Variants in SUCO observed in about 807,000 individuals in gnomAD.
SUCO encodes the protein SUN domain containing ossification factor.
In SUCO, 57 loss-of-function variants were observed where a neutral mutation model predicts 148.1. The ratio of observed to expected loss-of-function variants is 0.38; its 90% CI spans 0.31 to 0.48. SUCO has a LOEUF of 0.48. SUCO is among the 20% of genes least tolerant of loss of function. The probability of loss-of-function intolerance (pLI) is 0.96; values close to 1 mark genes in which losing one functional copy is unlikely to be tolerated. For synonymous variants in SUCO, 470 were observed against 502.7 expected (o/e 0.93, Z 0.87); for missense variants, 1,331 against 1,468.2 (o/e 0.91, Z 1.53).
intron 17 of SUCO, among the ~76,000 whole-genome samples, chr1:172,587,026 C>T (rs775205883): frequency 1.8e-4 from 28 of 152,120 alleles, no homozygotes; most frequent in Middle Eastern, 3.4e-3. Flanking sequence ...GTTAACAACA[C>T]GCTATGTCGT....
intron 6 of SUCO, among the ~76,000 whole-genome samples, chr1:172,566,109 C>T (rs1455474288): frequency 1.3e-5 from 2 of 152,194 alleles, no homozygotes; most frequent in African/African-American, 2.4e-5. Flanking sequence ...GAGGCAGTGG[C>T]ATTATGGCCA....
intron 19 of SUCO, among the ~76,000 whole-genome samples, chr1:172,592,384 T>G (rs1656738091): frequency 6.6e-6 from 1 of 152,216 alleles, no homozygotes; most frequent in African/African-American, 2.4e-5. Flanking sequence ...TGCCTAGGTT[T>G]TCTTCTAGGG....
chr1:172,560,212 C>A (rs146095194), intron 6 of SUCO, among the ~76,000 whole-genome samples: 1 of 152,298 alleles, frequency 6.6e-6, no homozygotes, highest in African/African-American at 2.4e-5. Flanking sequence ...AAATTAGTAA[C>A]AAGACAGCCT....
chr1:172,605,702 A>G (rs1366084225), intron 22 of SUCO, among the ~76,000 whole-genome samples: 1 of 151,876 alleles, frequency 6.6e-6, no homozygotes, highest in African/African-American at 2.4e-5. Context: ...TCGTTTTACT[A>G]GTTCACTTGC....
chr1:172,588,313 A>G (rs1221254214), intron 17 of SUCO: 2 of 985,212 alleles, frequency 2.0e-6, no homozygotes, highest in Non-Finnish European at 2.4e-6. Flanking sequence ...AGAATCCTAG[A>G]TTCTAGTTTT....
intron 3 of SUCO, chr1:172,555,490 T>C: frequency 1.2e-6 from 1 of 858,352 alleles, no homozygotes; most frequent in Non-Finnish European, 1.4e-6. Flanking sequence ...CATTATTTCC[T>C]AAACTGCTCA....
chr1:172,591,978 G>A (rs1482283541), intron 19 of SUCO, among the ~76,000 whole-genome samples: 2 of 152,186 alleles, frequency 1.3e-5, no homozygotes, highest in East Asian at 1.9e-4. Context: ...CATTTTAACT[G>A]GTGTGAGATG....
At chr1:172,569,853 G>GA (rs1291669015) in intron 7 of SUCO, 194 bp from the exon 8 acceptor site, 1 of 213,414 alleles carries the variant, frequency 4.7e-6, no homozygotes, top group Non-Finnish European at 8.0e-6. Context: ...AATTTGTTTT[G>GA]GGGGGATATT....
chr1:172,589,336 T>C lies in SUCO; in HGVS notation c.2235T>C (p.Pro745=), dbSNP rs150654022. 1.2e-6 allele frequency: 2 copies of C among 1,613,372 alleles called. No individual in the cohort carries two copies. Among genetic ancestry groups the C allele is most frequent in the African/African-American group, 1.3e-5 (1 of 74,876 alleles). Residue 745 remains proline, a synonymous_variant, in exon 18 of 24, where the codon CCT becomes CCC. Transcript: ENST00000263688. ...TTACCCCAGAAATCAATCCCTTGCCTAAAATAGAAGTATCTGAGTCTGTTG... is the reference window on the plus strand; with the variant it reads ...TTACCCCAGAAATCAATCCCTTGCCCAAAATAGAAGTATCTGAGTCTGTTG... ...LDITPEINPL[P]KIEVSESVEY...
chr1:172,532,878 A>C, upstream of SUCO: 1 of 1,495,432 alleles, frequency 6.7e-7, no homozygotes, highest in South Asian at 1.3e-5. Flanking sequence ...AGTGGGCGGG[A>C]CCTGGGGCGG....
intron 22 of SUCO, 47 bp downstream of exon 22, chr1:172,602,834 G>T: frequency 6.8e-7 from 1 of 1,465,982 alleles, no homozygotes. Context: ...CATGAAACTA[G>T]CTTCTGGCAT....
intron 4 of SUCO, among the ~76,000 whole-genome samples, chr1:172,556,398 A>G (rs184208080): frequency 2.6e-4 from 40 of 152,298 alleles, no homozygotes; most frequent in African/African-American, 8.9e-4. Context: ...CATTTCATTC[A>G]TTTTTATGTC....
At chr1:172,580,263 G>C (rs985386414) in intron 15 of SUCO, among the ~76,000 whole-genome samples, 10 of 152,022 alleles carry the variant, frequency 6.6e-5, no homozygotes, top group Non-Finnish European at 1.3e-4. Flanking sequence ...CTTTTTAGGG[G>C]ATGGGAAAAA....
chr1:172,553,327 C>T lies in SUCO; in HGVS notation c.245C>T (p.Pro82Leu), dbSNP rs763091234. ...TCAGGTTCAAATTTACCTATTTCTC[C>T]AAAAGAACATAAATTAAAAGATGAT... ...GKSGSNLPIS[P>L]KEHKLKDDSI... The change falls in exon 3 of 24, where the codon CCA becomes CTA. Residue 82 changes from proline (P) to leucine (L), a missense_variant. Pro to Leu is a moderately conservative substitution (Grantham distance 98, BLOSUM62 -3). This residue lies in a region of SUCO where 992 missense variants were observed against 1,093.5 expected (regional missense o/e 0.91). Coordinates refer to ENST00000263688, the MANE Select transcript of SUCO (RefSeq NM_014283.5). 3.1e-6 allele frequency: 5 copies of T among 1,603,680 alleles called. No homozygotes were observed. The South Asian group carries it at 5.6e-5, about 18-fold the overall frequency.
intron 20 of SUCO, 67 bp downstream of exon 20, chr1:172,600,235 T>G (rs973719085): frequency 4.4e-6 from 5 of 1,147,380 alleles, no homozygotes; most frequent in Non-Finnish European, 5.0e-6. Context: ...GCCAGGCTTG[T>G]TAACATGAAC....
Position 172,574,011 on chromosome 1 carries a change from G to C in SUCO, c.1157+13G>C. The C allele has an allele frequency of 6.8e-7, 1 of 1,467,730 alleles. No individual in the cohort carries two copies. Among genetic ancestry groups the C allele is most frequent in the South Asian group, 1.2e-5 (1 of 86,326 alleles). 90.9% of individuals were successfully genotyped at this position (1,467,730 alleles called of 1,614,324 possible). On this transcript the variant is annotated intron_variant, in intron 10 of 23. Transcript: ENST00000263688. ...CTATCAGTGACAGGTAAATTCTAAAGCTGTTTCTATAGGGTCTATGTTGGA... is the reference window on the plus strand; with the variant it reads ...CTATCAGTGACAGGTAAATTCTAAACCTGTTTCTATAGGGTCTATGTTGGA...
In SUCO at chr1:172,556,012, C is replaced by G. The variant is rs991709773; in HGVS notation, c.432C>G (p.Ile144Met). The G allele has an allele frequency of 1.5e-5, 24 of 1,610,534 alleles. No individual in the cohort carries two copies. Among genetic ancestry groups the G allele is most frequent in the African/African-American group, 2.7e-5 (2 of 74,822 alleles). ...SSSSTSEITPISKLDEIEKSG... is the reference protein window; with the variant it reads ...SSSSTSEITPMSKLDEIEKSG... ...CATCTACCTCAGAAATCACTCCAATCTCAAAGCTTGAGTAAGTTGTTACAA... is the reference window on the plus strand; with the variant it reads ...CATCTACCTCAGAAATCACTCCAATGTCAAAGCTTGAGTAAGTTGTTACAA... Residue 144 changes from isoleucine to methionine, a missense_variant, in exon 4 of 24, where the codon ATC (isoleucine) becomes ATG (methionine). Ile to Met is a conservative substitution (Grantham distance 10). Coordinates refer to ENST00000263688, the MANE Select transcript of SUCO (RefSeq NM_014283.5).
intron 6 of SUCO, among the ~76,000 whole-genome samples, chr1:172,563,553 T>TA (rs769775266): frequency 1.1e-4 from 16 of 152,314 alleles, no homozygotes; most frequent in Non-Finnish European, 1.8e-4. Flanking sequence ...TTCTAGGCAG[T>TA]AAAGTATTCA....
upstream of SUCO, chr1:172,532,410 C>A (rs1051299568): frequency 1.5e-6 from 2 of 1,308,518 alleles, no homozygotes; most frequent in Non-Finnish European, 1.1e-6. Flanking sequence ...AGGAACCCGG[C>A]AAGCGGCGAA....
Sources: gnomAD v4.1 joint callset for allele counts (sites outside exome capture counted in the v4.1 genomes callset) on GRCh38, gnomAD v4.1.1 for gene constraint, gnomAD v4.1.1 regional missense constraint, MANE v1.5 for transcripts, NCBI Gene and HGNC (gene_info 2026-07-23, HGNC 2026-07-21) for gene names.